Variants in CLIC5 observed in about 807,000 individuals in gnomAD.
CLIC5 encodes CLIC family member 5, also known as chloride intracellular channel protein 5.
Under a neutral mutation model 24.7 loss-of-function variants are expected in CLIC5, and 20 were observed. The observed-to-expected ratio is 0.81, with a 90% CI of 0.57 to 1.18. CLIC5 has a LOEUF of 1.18. CLIC5 is among the 50% of genes most tolerant of loss of function. CLIC5 has a pLI of 0.00. For missense variants in CLIC5, 341 were observed against 326.1 expected, an observed-to-expected ratio of 1.05 and a Z score of -0.35; for synonymous variants, 159 against 135.6, an observed-to-expected ratio of 1.17 and a Z score of -1.20.
chr6:46,025,751 G>A (rs1234100770), intron 1 of CLIC5, among the ~76,000 whole-genome samples: 5 of 152,256 alleles, frequency 3.3e-5, no homozygotes, highest in East Asian at 1.9e-4. Context: ...TAATCACCAC[G>A]TGTCAGGGGA....
intron 4 of CLIC5, among the ~76,000 whole-genome samples, chr6:45,940,274 A>G (rs923036653): frequency 6.6e-6 from 1 of 152,086 alleles, no homozygotes; most frequent in African/African-American, 2.4e-5. Context: ...TTGTTCTTTT[A>G]CCTGCAGTTA....
the CLIC5 span, among the ~76,000 whole-genome samples, chr6:46,121,846 A>C: frequency 2.6e-5 from 4 of 152,178 alleles, no homozygotes; most frequent in Admixed American, 1.3e-4. Flanking sequence ...GCCATTACAT[A>C]ATGGTAAAGG....
At chr6:46,108,401 T>TGTGTGTGTGTGTGA in the CLIC5 span, among the ~76,000 whole-genome samples, 447 of 141,726 alleles carry the variant, frequency 3.2e-3, no homozygotes, top group Admixed American at 6.7e-3. Flanking sequence ...TGTGTGTGTG[T>TGTGTGTGTGTGTGA]GAGAGAGAGA....
chr6:45,919,660 A>G (rs963726722), intron 4 of CLIC5, among the ~76,000 whole-genome samples: 3 of 152,236 alleles, frequency 2.0e-5, no homozygotes, highest in Non-Finnish European at 2.9e-5. Flanking sequence ...CGAGGCCTCC[A>G]GGCAGGGTTT....
the CLIC5 span, among the ~76,000 whole-genome samples, chr6:46,109,461 T>C: frequency 1.0e-2 from 1,276 of 128,214 alleles, 69 homozygotes; most frequent in Admixed American, 0.11. Flanking sequence ...GGGTGCATCA[T>C]GAGGTCAAGA....
At chr6:45,999,390 T>C (rs1481901476) in intron 1 of CLIC5, among the ~76,000 whole-genome samples, 1 of 152,210 alleles carries the variant, frequency 6.6e-6, no homozygotes, top group Admixed American at 6.5e-5. Flanking sequence ...CCAAATACTA[T>C]GTGGATGTGG....
chr6:45,974,673 G>C (rs1171115612), intron 1 of CLIC5, among the ~76,000 whole-genome samples: 1 of 151,482 alleles, frequency 6.6e-6, no homozygotes, highest in African/African-American at 2.4e-5. Flanking sequence ...TGAAAGGAGA[G>C]TCTTCATATT....
chr6:45,924,764 C>CAT (rs34278266), intron 4 of CLIC5, among the ~76,000 whole-genome samples: 45,690 of 150,766 alleles, frequency 0.3, 7,004 homozygotes, highest in East Asian at 0.47. Flanking sequence ...AGACAGAGCC[C>CAT]ATATATATAT....
chr6:45,993,546 G>A (rs939434507), intron 1 of CLIC5, among the ~76,000 whole-genome samples: 2 of 151,902 alleles, frequency 1.3e-5, no homozygotes, highest in Non-Finnish European at 2.9e-5. Context: ...CCTCAAATCT[G>A]TGTGAGTTAC....
At chr6:46,046,543 A>G (rs1180641146) in intron 1 of CLIC5, among the ~76,000 whole-genome samples, 3 of 152,248 alleles carry the variant, frequency 2.0e-5, no homozygotes, top group African/African-American at 7.2e-5. Context: ...CTGTATGGTC[A>G]ATTCAGTGTG....
chr6:46,100,674 CATAA>C, the CLIC5 span, among the ~76,000 whole-genome samples: 1 of 152,074 alleles, frequency 6.6e-6, no homozygotes, highest in South Asian at 2.1e-4. Flanking sequence ...ATAAGAAATA[CATAA>C]ATATAGTCAT....
At chr6:45,959,824 C>T (rs1277069068) in intron 1 of CLIC5, among the ~76,000 whole-genome samples, 1 of 152,208 alleles carries the variant, frequency 6.6e-6, no homozygotes, top group East Asian at 1.9e-4. Flanking sequence ...TTTCCCATTT[C>T]ATCAACCAGA....
chr6:45,956,168 C>A (rs555626765), intron 1 of CLIC5, among the ~76,000 whole-genome samples: 2 of 152,164 alleles, frequency 1.3e-5, no homozygotes, highest in African/African-American at 4.8e-5. Context: ...GGCTGCAGAT[C>A]CCTGAATTTC....
At chr6:46,060,666 A>G (rs1367102957) in intron 1 of CLIC5, among the ~76,000 whole-genome samples, 1 of 152,110 alleles carries the variant, frequency 6.6e-6, no homozygotes, top group African/African-American at 2.4e-5. Flanking sequence ...GGGTAGGACA[A>G]TGTAATTGCT....
In CLIC5 at chr6:45,902,582, C is replaced by G. The variant is rs1189467868; in HGVS notation, c.*506G>C. Reference sequence around the variant, plus strand: ...ACTGAAGCTGTGTTTGCCAGACACCCAAGTCCATAGCCAGCTCGGTACTCC... The same window carrying G: ...ACTGAAGCTGTGTTTGCCAGACACCGAAGTCCATAGCCAGCTCGGTACTCC... On this transcript the variant is annotated 3_prime_UTR_variant, in exon 6 of 6. Coordinates refer to ENST00000339561, the MANE Select transcript of CLIC5 (RefSeq NM_016929.5). 6.4e-6 allele frequency: 1 copy of G among 155,694 alleles called. No individual in the cohort carries two copies. Among genetic ancestry groups the G allele is most frequent in the Non-Finnish European group, 1.4e-5 (1 of 69,912 alleles). The allele number at this position is 155,694 out of a possible 1,614,324, so 9.6% of individuals were successfully genotyped here.
Position 45,971,241 on chromosome 6 carries a change from C to T in CLIC5, c.64-15997G>A, listed in dbSNP as rs116133201. On this transcript the variant is annotated intron_variant, in intron 1 of 5. Transcript: ENST00000339561. ...ATATAGAATATGTGAAAATGCATTT[C>T]CAGTTCTAGCAGAGATTGTTCCATC... 8.1e-3 allele frequency among the ~76,000 whole-genome samples: 1,227 copies of T among 152,304 alleles called. 16 individuals are homozygous for T. The highest frequency in any genetic ancestry group is 0.027 in the African/African-American group (1,123 of 41,560).
intron 1 of CLIC5, among the ~76,000 whole-genome samples, chr6:45,964,950 A>G (rs1380212428): frequency 6.6e-6 from 1 of 152,224 alleles, no homozygotes; most frequent in African/African-American, 2.4e-5. Flanking sequence ...TACTTTATAC[A>G]TTTACAGCTA....
the CLIC5 span, among the ~76,000 whole-genome samples, chr6:46,123,938 C>T: frequency 6.6e-6 from 1 of 152,054 alleles, no homozygotes; most frequent in Non-Finnish European, 1.5e-5. Context: ...AAAGAGGATA[C>T]AAACAAATGG....
intron 4 of CLIC5, among the ~76,000 whole-genome samples, chr6:45,940,578 C>T (rs184525741): frequency 1.3e-5 from 2 of 152,210 alleles, no homozygotes; most frequent in Non-Finnish European, 2.9e-5. Context: ...AGCATCTATT[C>T]CCTTGTTTTG....
Sources: gnomAD v4.1 joint callset for allele counts (sites outside exome capture counted in the v4.1 genomes callset) on GRCh38, gnomAD v4.1.1 for gene constraint, MANE v1.5 for transcripts, NCBI Gene and HGNC (gene_info 2026-07-23, HGNC 2026-07-21) for gene names.